NRXN3: variants seen among roughly 807,000 people sequenced by gnomAD.
NRXN3 encodes neurexin 3, also known as neurexin III.
NRXN3 carries 32 observed loss-of-function variants against 137.6 expected under a neutral mutation model. The ratio of observed to expected loss-of-function variants is 0.23; its 90% CI spans 0.18 to 0.31. NRXN3 has a LOEUF of 0.31. Among genes scored for constraint, NRXN3 ranks in the 10% least tolerant of loss-of-function variants. NRXN3 has a pLI of 1.00. For missense variants in NRXN3, 1,574 were observed against 2,062.5 expected (o/e 0.76, Z 4.59); for synonymous variants, 798 against 784.5 (o/e 1.02, Z -0.29).
At chr14:79,305,186 G>A (rs2085839169) in intron 15 of NRXN3, among the ~76,000 whole-genome samples, 1 of 151,972 alleles carries the variant, frequency 6.6e-6, no homozygotes, top group Non-Finnish European at 1.5e-5. Context: ...GAGCTAATAT[G>A]GTATGTGTAG....
intron 4 of NRXN3, among the ~76,000 whole-genome samples, chr14:78,542,102 G>A (rs910538822): frequency 5.3e-5 from 8 of 152,342 alleles, no homozygotes; most frequent in African/African-American, 1.7e-4. Flanking sequence ...ACTGGGAGGT[G>A]TCTCCCAGTT....
chr14:79,257,959 A>T (rs2077025381), intron 15 of NRXN3, among the ~76,000 whole-genome samples: 1 of 152,026 alleles, frequency 6.6e-6, no homozygotes, highest in Non-Finnish European at 1.5e-5. Context: ...GGAAAAAAAA[A>T]AGTTGTGACT....
chr14:78,782,369 T>A (rs2098772998), intron 8 of NRXN3, among the ~76,000 whole-genome samples: 1 of 152,230 alleles, frequency 6.6e-6, no homozygotes, highest in African/African-American at 2.4e-5. Context: ...TGGGAAAAAT[T>A]AATTACTAAA....
chr14:79,417,650 C>T (rs536622270), intron 15 of NRXN3, among the ~76,000 whole-genome samples: 7 of 152,206 alleles, frequency 4.6e-5, no homozygotes, highest in African/African-American at 1.7e-4. Context: ...TCGTTAATCA[C>T]CCCATGTAAT....
At chr14:79,735,450 C>T (rs1011622341) in intron 19 of NRXN3, among the ~76,000 whole-genome samples, 14 of 152,060 alleles carry the variant, frequency 9.2e-5, no homozygotes, top group East Asian at 3.9e-4. Context: ...GCAAACTTCC[C>T]GGGGTTGACA....
At chr14:79,513,205 A>G (rs1043704091) in intron 16 of NRXN3, among the ~76,000 whole-genome samples, 7 of 152,200 alleles carry the variant, frequency 4.6e-5, no homozygotes, top group African/African-American at 1.4e-4. Flanking sequence ...ATCTTTTGCA[A>G]CCTGATGCTT....
At chr14:79,414,095 A>G (rs1156303806) in intron 15 of NRXN3, among the ~76,000 whole-genome samples, 3 of 151,938 alleles carry the variant, frequency 2.0e-5, no homozygotes. Context: ...CAGATTTTAG[A>G]CTCACCATTC....
chr14:78,672,954 G>A (rs995803183), intron 6 of NRXN3, among the ~76,000 whole-genome samples: 1 of 152,170 alleles, frequency 6.6e-6, no homozygotes, highest in Non-Finnish European at 1.5e-5. Flanking sequence ...AGGCAGAAAA[G>A]CATTTCTAAA....
chr14:78,480,104 G>A (rs2095447227), intron 4 of NRXN3, among the ~76,000 whole-genome samples: 1 of 152,102 alleles, frequency 6.6e-6, no homozygotes, highest in African/African-American at 2.4e-5. Flanking sequence ...TCACGCCATG[G>A]CACTCCAGCC....
At position 78,247,917 on chromosome 14, in the gene NRXN3, T is replaced by C. The variant is rs117508904; in HGVS notation, c.709+4115T>C. On this transcript the variant is annotated intron_variant, in intron 2 of 20. Coordinates refer to ENST00000335750, the MANE Select transcript of NRXN3 (RefSeq NM_001330195.2). ...GTATAAATTTCAGGACCAGTGTCTC[T>C]GAAGAGTTCATTTAGCATGAAGTCA... is the stretch of plus-strand genomic sequence containing the variant. 5.3e-3 allele frequency among the ~76,000 whole-genome samples: 810 copies of C among 152,346 alleles called. 7 individuals carry two copies. Among genetic ancestry groups the C allele is most frequent in the Non-Finnish European group, 7.3e-3 (495 of 68,028 alleles).
At chr14:78,237,855 G>A (rs78811485) in intron 1 of NRXN3, among the ~76,000 whole-genome samples, 1,965 of 152,316 alleles carry the variant, frequency 0.013, 49 homozygotes, top group African/African-American at 0.045. Flanking sequence ...CCTGGTGAGG[G>A]CAGGTCATAG....
chr14:79,356,080 T>C (rs1335971972), intron 15 of NRXN3, among the ~76,000 whole-genome samples: 1 of 152,198 alleles, frequency 6.6e-6, no homozygotes, highest in Admixed American at 6.5e-5. Flanking sequence ...TTTTGTATTT[T>C]TTTTCCATAG....
At chr14:78,947,739 C>T (rs1310373391) in intron 10 of NRXN3, among the ~76,000 whole-genome samples, 1 of 152,184 alleles carries the variant, frequency 6.6e-6, no homozygotes, top group Non-Finnish European at 1.5e-5. Flanking sequence ...GTCCCTCAGC[C>T]TGCCCTGAGT....
intron 19 of NRXN3, among the ~76,000 whole-genome samples, chr14:79,753,660 T>G (rs1474235820): frequency 6.6e-6 from 1 of 151,668 alleles, no homozygotes; most frequent in Non-Finnish European, 1.5e-5. Flanking sequence ...GCATGGCACA[T>G]GTATACATAT....
At chr14:78,593,400 G>A (rs1384608124) in intron 4 of NRXN3, among the ~76,000 whole-genome samples, 2 of 152,172 alleles carry the variant, frequency 1.3e-5, no homozygotes, top group Non-Finnish European at 2.9e-5. Context: ...AGGCACAGGG[G>A]CAGGATGTCT....
intron 4 of NRXN3, among the ~76,000 whole-genome samples, chr14:78,384,534 A>G (rs1019434768): frequency 6.6e-6 from 1 of 152,204 alleles, no homozygotes; most frequent in Non-Finnish European, 1.5e-5. Context: ...TTTTTTAAAC[A>G]ATTGCTTACT....
chr14:79,180,031 T>C (rs2062753569), intron 15 of NRXN3, among the ~76,000 whole-genome samples: 1 of 152,212 alleles, frequency 6.6e-6, no homozygotes, highest in Non-Finnish European at 1.5e-5. Context: ...CTTTCTCTTC[T>C]AGTAAAATGT....
At chr14:78,760,525 G>C (rs1022809475) in intron 8 of NRXN3, among the ~76,000 whole-genome samples, 1 of 148,008 alleles carries the variant, frequency 6.8e-6, no homozygotes, top group Non-Finnish European at 1.5e-5. Context: ...CAAAAGCAAT[G>C]ATGAAGAGAT....
At chr14:78,587,078 G>A (rs2097071599) in intron 4 of NRXN3, among the ~76,000 whole-genome samples, 2 of 152,198 alleles carry the variant, frequency 1.3e-5, no homozygotes. Context: ...TGTGTCCAAA[G>A]CTTGAATAGG....
Sources: gnomAD v4.1 joint callset for allele counts (sites outside exome capture counted in the v4.1 genomes callset) on GRCh38, gnomAD v4.1.1 for gene constraint, MANE v1.5 for transcripts, NCBI Gene and HGNC (gene_info 2026-07-23, HGNC 2026-07-21) for gene names.